Variants in SNX19 observed in about 807,000 individuals in gnomAD.
SNX19 encodes sorting nexin 19.
A neutral mutation model predicts 85.2 loss-of-function variants in SNX19; 60 were observed. The ratio of observed to expected loss-of-function variants is 0.70; its 90% confidence interval spans 0.57 to 0.87. The LOEUF (loss-of-function observed/expected upper bound fraction) is 0.87, where lower values mean the gene tolerates loss of function less well. Among genes scored for constraint, SNX19 ranks in the 40% least tolerant of loss-of-function variants. The probability of loss-of-function intolerance (pLI) is 0.00; values close to 1 mark genes in which losing one functional copy is unlikely to be tolerated. For synonymous variants in SNX19, 520 were observed against 470.0 expected (o/e 1.11, Z -1.38); for missense variants, 1,201 against 1,217.8 (o/e 0.99, Z 0.21).
intron 8 of SNX19, among the ~76,000 whole-genome samples, chr11:130,901,194 G>A (rs1945236507): frequency 6.6e-6 from 1 of 152,136 alleles, no homozygotes; most frequent in African/African-American, 2.4e-5. Context: ...CTTCCCAGTT[G>A]TGACAACAAA....
chr11:130,902,343 A>T (rs1945316286), intron 8 of SNX19, among the ~76,000 whole-genome samples: 1 of 152,242 alleles, frequency 6.6e-6, no homozygotes, highest in East Asian at 1.9e-4. Context: ...CCTTGATCCT[A>T]CATAACTTAG....
At position 130,878,239 on chromosome 11, in the gene SNX19, A is replaced by G. The variant is rs2135268698; in HGVS notation, c.*183T>C. ...GAACAGGGAAATAAACGTGCATACAACTGGGACACACAGACCCCTGTCACC... is the reference window on the plus strand; with the variant it reads ...GAACAGGGAAATAAACGTGCATACAGCTGGGACACACAGACCCCTGTCACC... On this transcript the variant is annotated 3_prime_UTR_variant, in exon 11 of 11. Transcript: ENST00000265909. 3.6e-6 allele frequency: 2 copies of G among 553,886 alleles called. No individual in the cohort carries two copies. The highest frequency in any genetic ancestry group is 6.2e-4 in the Middle Eastern group (2 of 3,248). 34.3% of individuals were successfully genotyped at this position (553,886 alleles called of 1,614,324 possible). A position where few individuals can be genotyped will look rare whatever the true frequency, so the allele number is the denominator to read the frequency against.
chr11:130,877,794 C>A lies in SNX19; in HGVS notation c.*628G>T, dbSNP rs1312895968. The A allele has an allele frequency of 3.3e-5, 5 of 152,588 alleles. No individual in the cohort carries two copies. Among genetic ancestry groups the A allele is most frequent in the Non-Finnish European group, 5.9e-5 (4 of 68,042 alleles). 9.5% of individuals were successfully genotyped at this position (152,588 alleles called of 1,614,324 possible). A position where few individuals can be genotyped will look rare whatever the true frequency, so the allele number is the denominator to read the frequency against. Reference sequence around the variant, plus strand: ...AAAGTGTAGCCTCCCAGGCAAGCAGCCTCATGACATCTTCCATAAGGCTGA... The same window carrying A: ...AAAGTGTAGCCTCCCAGGCAAGCAGACTCATGACATCTTCCATAAGGCTGA... On this transcript the variant is annotated 3_prime_UTR_variant, in exon 11 of 11. Transcript: ENST00000265909.
intron 2 of SNX19, 149 bp from the exon 3 acceptor site, chr11:130,910,519 T>G (rs1238801207): frequency 3.1e-6 from 2 of 636,100 alleles, no homozygotes; most frequent in African/African-American, 1.8e-5. Flanking sequence ...ATACATACGA[T>G]CCATATGATC....
Position 130,869,875 on chromosome 11 carries a change from C to G in SNX19, c.*8547G>C, listed in dbSNP as rs1942948684. ...AAAGGCAATTAGATTAGTGGGGTAGCCAAGTCACCCACAAAGACTGATGAG... is the reference window on the plus strand; with the variant it reads ...AAAGGCAATTAGATTAGTGGGGTAGGCAAGTCACCCACAAAGACTGATGAG... On this transcript the variant is annotated 3_prime_UTR_variant, in exon 11 of 11. Coordinates refer to ENST00000265909, the MANE Select transcript of SNX19 (RefSeq NM_014758.3). The G allele has an allele frequency of 1.3e-5, 2 of 150,964 alleles. 1 individual carries two copies. 9.4% of individuals were successfully genotyped at this position (150,964 alleles called of 1,614,324 possible). A position where few individuals can be genotyped will look rare whatever the true frequency, so the allele number is the denominator to read the frequency against.
chr11:130,903,213 C>T, intron 8 of SNX19, 42 bp downstream of exon 8: 1 of 1,611,160 alleles, frequency 6.2e-7, no homozygotes, highest in South Asian at 1.1e-5. Flanking sequence ...ACCTTCTCTG[C>T]AACTTGAGAT....
rs768131553 is a variant in SNX19 at position 130,915,476 on chromosome 11, G to GC, written c.463dup (p.Ala155GlyfsTer30). On this transcript the variant is annotated frameshift_variant, in exon 1 of 11. Transcript: ENST00000265909. LOFTEE classifies it high-confidence loss of function. Reference sequence around the variant, plus strand: ...ACCGCAGAGAGTCAGAACACTCTGGGCAACAGCATGACTGTCCATCACGCT... The same window carrying GC: ...ACCGCAGAGAGTCAGAACACTCTGGGCCAACAGCATGACTGTCCATCACGCT... The GC allele has an allele frequency of 4.2e-5, 67 of 1,614,004 alleles. No homozygotes were observed. Among genetic ancestry groups the GC allele is most frequent in the Non-Finnish European group, 4.7e-5 (56 of 1,180,046 alleles).
At chr11:130,914,112 TA>T (rs3838799) in intron 1 of SNX19, among the ~76,000 whole-genome samples, 153 bp downstream of exon 1, 5,368 of 152,230 alleles carry the variant, frequency 0.035, 154 homozygotes, top group South Asian at 0.13. Flanking sequence ...TACTCTGCCT[TA>T]CATATTAGCT....
Position 130,878,350 on chromosome 11 carries a change from G to A in SNX19, c.*72C>T. 6.4e-7 allele frequency: 1 copy of A among 1,552,186 alleles called. No individual in the cohort carries two copies. Among genetic ancestry groups the A allele is most frequent in the South Asian group, 1.2e-5 (1 of 82,112 alleles). On this transcript the variant is annotated 3_prime_UTR_variant, in exon 11 of 11. Coordinates refer to ENST00000265909, the MANE Select transcript of SNX19 (RefSeq NM_014758.3). ...CTGTAGCCTACTTGAAGAGGGCACG[G>A]GCTTCCTGACTGGTCTCTGGTGGCC...
At chr11:130,912,398 T>C (rs947235011) in intron 1 of SNX19, among the ~76,000 whole-genome samples, 1 of 152,194 alleles carries the variant, frequency 6.6e-6, no homozygotes, top group Non-Finnish European at 1.5e-5. Context: ...TTCCTAAGCT[T>C]AGAGGGCTGG....
At position 130,877,864 on chromosome 11, in the gene SNX19, A is replaced by T. The variant is rs1465193519; in HGVS notation, c.*558T>A. The T allele has an allele frequency of 2.0e-5, 3 of 152,192 alleles. No homozygotes were observed. The highest frequency in any genetic ancestry group is 6.6e-5 in the Admixed American group (1 of 15,260). 9.4% of individuals were successfully genotyped at this position (152,192 alleles called of 1,614,324 possible). A position where few individuals can be genotyped will look rare whatever the true frequency, so the allele number is the denominator to read the frequency against. Reference sequence around the variant, plus strand: ...ACATGAGCAAGAAGTTCCTTGAAAAATTTTCTTCCCTCCTTCTTCTTCTGG... The same window carrying T: ...ACATGAGCAAGAAGTTCCTTGAAAATTTTTCTTCCCTCCTTCTTCTTCTGG... On this transcript the variant is annotated 3_prime_UTR_variant, in exon 11 of 11. Transcript: ENST00000265909.
intron 7 of SNX19, among the ~76,000 whole-genome samples, chr11:130,903,962 C>T (rs536512981): frequency 5.3e-5 from 8 of 152,194 alleles, no homozygotes; most frequent in Admixed American, 2.0e-4. Flanking sequence ...TCCTGAAAAA[C>T]CTCCATTACA....
chr11:130,910,409 A>T, intron 2 of SNX19, 39 bp from the exon 3 acceptor site: 1 of 1,383,852 alleles, frequency 7.2e-7, no homozygotes, highest in Non-Finnish European at 1.0e-6. Flanking sequence ...TCACTCATTT[A>T]ACATTCACAG....
intron 8 of SNX19, among the ~76,000 whole-genome samples, chr11:130,891,909 C>T (rs1944526288): frequency 6.7e-6 from 1 of 149,888 alleles, no homozygotes; most frequent in Admixed American, 6.7e-5. Context: ...GGTGCAATCT[C>T]GGCTCACTGA....
At position 130,916,010 on chromosome 11, in the gene SNX19, G is replaced by A; in HGVS notation, c.-71C>T. The stretch of plus-strand genomic sequence containing the variant: ...TTTACTTCAGAGTTAGGGAAGGGGG[G>A]CATGAACTGTGTCTCAGATATGGGG... On this transcript the variant is annotated 5_prime_UTR_variant, in exon 1 of 11. Transcript: ENST00000265909. The A allele has an allele frequency of 7.2e-7, 1 of 1,384,716 alleles. No individual in the cohort carries two copies. Among genetic ancestry groups the A allele is most frequent in the East Asian group, 2.5e-5 (1 of 40,558 alleles). The allele number at this position is 1,384,716 out of a possible 1,614,324, so 85.8% of individuals were successfully genotyped here. A position where few individuals can be genotyped will look rare whatever the true frequency, so the allele number is the denominator to read the frequency against.
In SNX19 at chr11:130,875,788, A is replaced by C. The variant is rs1184371063; in HGVS notation, c.*2634T>G. 2 of 152,176 alleles carry C rather than the reference A, an allele frequency of 1.3e-5. No individual in the cohort carries two copies. The highest frequency in any genetic ancestry group is 4.8e-5 in the African/African-American group (2 of 41,440). 9.4% of individuals were successfully genotyped at this position (152,176 alleles called of 1,614,324 possible). Reference sequence around the variant, plus strand: ...CAGCACACCAACACGGCACATGTATACATATGCAACAAACCTGCATGTTGT... The same window carrying C: ...CAGCACACCAACACGGCACATGTATCCATATGCAACAAACCTGCATGTTGT... On this transcript the variant is annotated 3_prime_UTR_variant, in exon 11 of 11. Transcript: ENST00000265909.
intron 7 of SNX19, among the ~76,000 whole-genome samples, chr11:130,903,888 C>T (rs1945455635): frequency 6.6e-6 from 1 of 152,068 alleles, no homozygotes; most frequent in African/African-American, 2.4e-5. Context: ...TTGCATTCCA[C>T]TCGCCCCCAC....
chr11:130,893,937 G>A, intron 8 of SNX19: 2 of 640,192 alleles, frequency 3.1e-6, no homozygotes, highest in Non-Finnish European at 5.6e-6. Flanking sequence ...ACTTGGAGAA[G>A]CCTGCAAGGA....
intron 4 of SNX19, among the ~76,000 whole-genome samples, chr11:130,909,149 C>T (rs953777109): frequency 6.6e-6 from 1 of 152,164 alleles, no homozygotes; most frequent in Admixed American, 6.5e-5. Flanking sequence ...GATGTATGAA[C>T]AGCAGCTGGT....
Sources: gnomAD v4.1 joint callset for allele counts (sites outside exome capture counted in the v4.1 genomes callset) on GRCh38, gnomAD v4.1.1 for gene constraint, MANE v1.5 for transcripts, NCBI Gene and HGNC (gene_info 2026-07-23, HGNC 2026-07-21) for gene names.